Variants in MCTP1 observed in about 807,000 individuals in gnomAD.
MCTP1 encodes the protein multiple C2 and transmembrane domain-containing protein 1.
MCTP1 carries 69 observed loss-of-function variants against 120.6 expected under a neutral mutation model. The observed-to-expected ratio is 0.57, with a 90% confidence interval of 0.47 to 0.70. MCTP1 has a LOEUF of 0.70. Ranked by LOEUF, MCTP1 falls within the 30% of genes least tolerant of loss-of-function variation. The probability of loss-of-function intolerance (pLI) is 0.00; values close to 1 mark genes in which losing one functional copy is unlikely to be tolerated. For missense variants in MCTP1, 1,203 were observed against 1,248.8 expected (o/e 0.96, Z 0.55); for synonymous variants, 529 against 493.1 (o/e 1.07, Z -0.96).
chr5:95,013,342 T>C (rs765578336), intron 2 of MCTP1, among the ~76,000 whole-genome samples: 6 of 152,130 alleles, frequency 3.9e-5, no homozygotes, highest in Non-Finnish European at 8.8e-5. Context: ...TTGATGACGG[T>C]TGCTACACTA....
intron 11 of MCTP1, among the ~76,000 whole-genome samples, chr5:94,894,103 C>T (rs892818499): frequency 4.6e-5 from 7 of 152,120 alleles, no homozygotes; most frequent in Admixed American, 2.0e-4. Context: ...TCCATACTAT[C>T]GTTCCACATT....
At chr5:94,721,734 A>G (rs1042345195) in intron 19 of MCTP1, among the ~76,000 whole-genome samples, 1 of 152,118 alleles carries the variant, frequency 6.6e-6, no homozygotes, top group Non-Finnish European at 1.5e-5. Flanking sequence ...TGTAGAGAAT[A>G]AATTGGTACA....
intron 2 of MCTP1, among the ~76,000 whole-genome samples, chr5:94,975,301 A>T (rs1287532059): frequency 3.9e-5 from 6 of 152,086 alleles, no homozygotes; most frequent in African/African-American, 1.2e-4. Context: ...GGAAGTAAAG[A>T]CTTCAGGAGG....
chr5:95,068,916 G>GA, intron 1 of MCTP1: 1 of 603,556 alleles, frequency 1.7e-6, no homozygotes, highest in Non-Finnish European at 2.3e-6. Context: ...AGCTAAAAGC[G>GA]AATTAGGCTT....
At chr5:95,149,845 T>C (rs1378452929) in intron 1 of MCTP1, among the ~76,000 whole-genome samples, 1 of 123,136 alleles carries the variant, frequency 8.1e-6, no homozygotes, top group Admixed American at 8.5e-5. Flanking sequence ...ATTCCCAGGA[T>C]TGTGCAGGTC....
chr5:94,747,987 G>A (rs1396575283), intron 19 of MCTP1, among the ~76,000 whole-genome samples: 2 of 152,178 alleles, frequency 1.3e-5, no homozygotes, highest in Non-Finnish European at 2.9e-5. Context: ...GTACTTGGGA[G>A]GCTGAGGCAA....
chr5:95,098,853 A>C (rs1394504944), intron 1 of MCTP1, among the ~76,000 whole-genome samples: 2 of 152,036 alleles, frequency 1.3e-5, no homozygotes, highest in Non-Finnish European at 2.9e-5. Flanking sequence ...GAGGCATCAC[A>C]CTACCTGACT....
At chr5:94,950,904 G>T (rs1176107153) in intron 3 of MCTP1, among the ~76,000 whole-genome samples, 1 of 148,434 alleles carries the variant, frequency 6.7e-6, no homozygotes, top group African/African-American at 2.5e-5. Context: ...CCGAGATCGT[G>T]CCACTGCACT....
At chr5:95,199,755 AG>A (rs1750792147) in intron 1 of MCTP1, among the ~76,000 whole-genome samples, 1 of 151,736 alleles carries the variant, frequency 6.6e-6, no homozygotes, top group Non-Finnish European at 1.5e-5. Flanking sequence ...GCTACTCAGG[AG>A]GCTGGGGCAA....
At chr5:94,873,604 G>A (rs886533390) in intron 12 of MCTP1, among the ~76,000 whole-genome samples, 3 of 152,040 alleles carry the variant, frequency 2.0e-5, no homozygotes, top group Non-Finnish European at 2.9e-5. Flanking sequence ...TGTAAGAGCC[G>A]TTTGAAAAGT....
chr5:95,235,223 AT>A (rs1307571994), intron 1 of MCTP1, among the ~76,000 whole-genome samples: 1 of 151,918 alleles, frequency 6.6e-6, no homozygotes, highest in Non-Finnish European at 1.5e-5. Flanking sequence ...CCACATAATA[AT>A]TTCAATAGAT....
intron 1 of MCTP1, among the ~76,000 whole-genome samples, chr5:95,026,336 T>G (rs545250901): frequency 6.6e-6 from 1 of 152,238 alleles, no homozygotes; most frequent in Non-Finnish European, 1.5e-5. Context: ...AATGTACAAT[T>G]AAATTATTTT....
intron 1 of MCTP1, among the ~76,000 whole-genome samples, chr5:95,050,337 A>AG (rs1238041105): frequency 6.6e-6 from 1 of 152,218 alleles, no homozygotes; most frequent in Non-Finnish European, 1.5e-5. Context: ...TTTACTAAAA[A>AG]GAATATTTGT....
chr5:95,120,533 T>G (rs573487974), intron 1 of MCTP1, among the ~76,000 whole-genome samples: 2 of 152,202 alleles, frequency 1.3e-5, no homozygotes, highest in South Asian at 2.1e-4. Context: ...GTACCACATA[T>G]GCAAATCAAA....
intron 2 of MCTP1, among the ~76,000 whole-genome samples, chr5:95,006,006 A>G (rs1258738135): frequency 3.9e-5 from 6 of 152,112 alleles, no homozygotes; most frequent in Non-Finnish European, 8.8e-5. Context: ...TCTCACAAAG[A>G]CTGAGACAAG....
At chr5:95,113,660 G>A (rs1052941794) in intron 1 of MCTP1, among the ~76,000 whole-genome samples, 4 of 152,092 alleles carry the variant, frequency 2.6e-5, no homozygotes, top group Non-Finnish European at 5.9e-5. Context: ...CCTTATCATC[G>A]CAGGCTAAAG....
At chr5:95,069,992 C>T (rs765943189) in intron 1 of MCTP1, among the ~76,000 whole-genome samples, 5 of 152,186 alleles carry the variant, frequency 3.3e-5, no homozygotes, top group Admixed American at 2.6e-4. Flanking sequence ...CGAGAGCCAT[C>T]GTGCCCGGCC....
At chr5:95,027,873 G>A (rs548438668) in intron 1 of MCTP1, among the ~76,000 whole-genome samples, 44 of 152,320 alleles carry the variant, frequency 2.9e-4, no homozygotes, top group Middle Eastern at 6.8e-3. Flanking sequence ...GATCAAGAGA[G>A]CAACCAGTTA....
chr5:94,841,849 G>T (rs1364466395), intron 17 of MCTP1, among the ~76,000 whole-genome samples: 2 of 152,142 alleles, frequency 1.3e-5, no homozygotes, highest in Non-Finnish European at 2.9e-5. Context: ...GAGCACAGAG[G>T]TTCCTGTATG....
Sources: gnomAD v4.1 joint callset for allele counts (sites outside exome capture counted in the v4.1 genomes callset) on GRCh38, gnomAD v4.1.1 for gene constraint, MANE v1.5 for transcripts, NCBI Gene and HGNC (gene_info 2026-07-23, HGNC 2026-07-21) for gene names.